SH3GL2: variants seen among roughly 807,000 people sequenced by gnomAD.
SH3GL2 encodes SH3 domain containing GRB2 like 2, endophilin A1.
In SH3GL2, 24 loss-of-function variants were observed where a neutral mutation model predicts 46.0. The observed-to-expected ratio is 0.52, with a 90% CI of 0.38 to 0.73. The LOEUF is 0.73. Ranked by LOEUF, SH3GL2 falls within the 30% of genes least tolerant of loss-of-function variation. SH3GL2 has a pLI of 0.00. For synonymous variants in SH3GL2, 196 were observed against 147.1 expected (o/e 1.33, Z -2.40); for missense variants, 413 against 424.2 (o/e 0.97, Z 0.23).
intron 1 of SH3GL2, among the ~76,000 whole-genome samples, chr9:17,697,358 G>A (rs928461466): frequency 6.6e-6 from 1 of 151,864 alleles, no homozygotes; most frequent in Non-Finnish European, 1.5e-5. Context: ...TGAGTAGTTG[G>A]GATTACAGGT....
chr9:17,786,435 A>G lies in SH3GL2; in HGVS notation c.242A>G (p.Glu81Gly). 6.2e-7 allele frequency: 1 copy of G among 1,613,440 alleles called. No homozygotes were observed. Among genetic ancestry groups the G allele is most frequent in the East Asian group, 2.2e-5 (1 of 44,838 alleles). The change falls in exon 4 of 9, where the codon GAG (glutamate) becomes GGG (glycine). Residue 81 changes from glutamate to glycine, a missense_variant. Glu to Gly is a moderately conservative substitution (Grantham distance 98, BLOSUM62 -2). Coordinates refer to ENST00000380607, the MANE Select transcript of SH3GL2 (RefSeq NM_003026.5). ...ACCATGTCAAAAATCCGTGGCCAGG[A>G]GAAGGGGCCAGGCTATCCTCAGGCA... ...INTMSKIRGQ[E>G]KGPGYPQAEA...
rs376846508 is a variant in SH3GL2 at position 17,617,927 on chromosome 9, C to T, written c.45+38640C>T. Among the ~76,000 whole-genome samples, 26 of 152,162 alleles carry T rather than the reference C, an allele frequency of 1.7e-4. 1 individual carries two copies. In the South Asian group the frequency reaches 2.1e-3, roughly 12 times the overall value. On this transcript the variant is annotated intron_variant, in intron 1 of 8. Transcript: ENST00000380607. ...AGCTCAAGACTTGAGTTGTAAAAATCGTGTTGTATTGTGGGACAAAAATCA... is the reference window on the plus strand; with the variant it reads ...AGCTCAAGACTTGAGTTGTAAAAATTGTGTTGTATTGTGGGACAAAAATCA...
chr9:17,587,354 A>G (rs1279023716), intron 1 of SH3GL2, among the ~76,000 whole-genome samples: 1 of 152,228 alleles, frequency 6.6e-6, no homozygotes, highest in Non-Finnish European at 1.5e-5. Context: ...GCCTGCCAGT[A>G]GAGGAAGTTC....
chr9:17,619,828 C>G (rs371471981), intron 1 of SH3GL2, among the ~76,000 whole-genome samples: 3 of 151,934 alleles, frequency 2.0e-5, no homozygotes, highest in Non-Finnish European at 4.4e-5. Context: ...CTGATTATTT[C>G]TTTAGAGAAT....
intron 1 of SH3GL2, among the ~76,000 whole-genome samples, chr9:17,663,997 G>A (rs749747552): frequency 6.6e-6 from 1 of 152,020 alleles, no homozygotes; most frequent in African/African-American, 2.4e-5. Context: ...AAATAATGTC[G>A]AGGGAGAAGA....
At chr9:17,692,863 A>G (rs186806184) in intron 1 of SH3GL2, among the ~76,000 whole-genome samples, 9 of 152,234 alleles carry the variant, frequency 5.9e-5, no homozygotes, top group African/African-American at 1.9e-4. Context: ...AGGCACTTCT[A>G]ACATGGTGGT....
At chr9:17,789,027 G>A (rs1254497631) in intron 5 of SH3GL2, among the ~76,000 whole-genome samples, 1 of 152,214 alleles carries the variant, frequency 6.6e-6, no homozygotes, top group African/African-American at 2.4e-5. Flanking sequence ...GACAGGGCCT[G>A]TGGGGCCTGT....
At chr9:17,761,259 A>G (rs553449153) in intron 2 of SH3GL2, among the ~76,000 whole-genome samples, 178 bp from the exon 3 acceptor site, 1 of 152,334 alleles carries the variant, frequency 6.6e-6, no homozygotes, top group South Asian at 2.1e-4. Flanking sequence ...ATCTTGGCAG[A>G]CCACTGCTGA....
chr9:17,791,168 G>A, intron 6 of SH3GL2, 63 bp from the exon 7 acceptor site: 1 of 1,153,254 alleles, frequency 8.7e-7, no homozygotes, highest in Non-Finnish European at 1.3e-6. Context: ...GTATGAAACA[G>A]TAGTGGCTGT....
chr9:17,788,101 CT>C (rs1227424097), intron 5 of SH3GL2, among the ~76,000 whole-genome samples: 3 of 151,926 alleles, frequency 2.0e-5, no homozygotes, highest in Admixed American at 1.3e-4. Context: ...TGTTTGCTCA[CT>C]TTTTTTTATC....
chr9:17,683,655 C>G (rs978892002), intron 1 of SH3GL2, among the ~76,000 whole-genome samples: 8 of 152,082 alleles, frequency 5.3e-5, no homozygotes, highest in Non-Finnish European at 1.0e-4. Flanking sequence ...AATACTTCCT[C>G]TCTACATACA....
chr9:17,687,595 A>G lies in SH3GL2; in HGVS notation c.46-59471A>G, dbSNP rs528656534. ...ATAGTATAGTCCTGAAGTTCTAATG[A>G]TAAAAATCAGAATGTTAAAAACAAA... is the stretch of plus-strand genomic sequence containing the variant. On this transcript the variant is annotated intron_variant, in intron 1 of 8. Transcript: ENST00000380607. Among the ~76,000 whole-genome samples the G allele has an allele frequency of 1.2e-3, 184 of 152,276 alleles. 1 individual carries two copies. Among genetic ancestry groups the G allele is most frequent in the African/African-American group, 4.1e-3 (169 of 41,570 alleles).
chr9:17,673,141 C>G (rs181103335), intron 1 of SH3GL2, among the ~76,000 whole-genome samples: 1 of 150,708 alleles, frequency 6.6e-6, no homozygotes, highest in Admixed American at 6.6e-5. Context: ...CTCACCTTGA[C>G]TTTTTTTTTG....
chr9:17,597,095 A>C (rs1204428683), intron 1 of SH3GL2, among the ~76,000 whole-genome samples: 1 of 152,244 alleles, frequency 6.6e-6, no homozygotes, highest in African/African-American at 2.4e-5. Flanking sequence ...GTAAGCTGAG[A>C]AACAGTTGAG....
intron 1 of SH3GL2, among the ~76,000 whole-genome samples, chr9:17,676,474 TG>T (rs1159781980): frequency 2.0e-5 from 3 of 151,952 alleles, no homozygotes; most frequent in East Asian, 3.9e-4. Context: ...GGCATGGTAG[TG>T]GGCACCTGTA....
chr9:17,679,872 A>G (rs1388500502), intron 1 of SH3GL2, among the ~76,000 whole-genome samples: 1 of 152,196 alleles, frequency 6.6e-6, no homozygotes, highest in African/African-American at 2.4e-5. Context: ...CCTTTTCTGC[A>G]TCTCTTGAGA....
Position 17,738,641 on chromosome 9 carries a change from T to TATATAGAGAGAGAGAGAG in SH3GL2, c.46-8424_46-8423insTATAGAGAGAGAGAGAGA, listed in dbSNP as rs376280314. 3.6e-4 allele frequency among the ~76,000 whole-genome samples: 32 copies of TATATAGAGAGAGAGAGAG among 88,874 alleles called. 1 individual carries two copies. The highest frequency in any genetic ancestry group is 8.8e-4 in the Admixed American group (7 of 7,954). 58.3% of individuals were successfully genotyped at this position (88,874 alleles called of 152,430 possible). ...TCATGTGATTTTATATATATATATA[T>TATATAGAGAGAGAGAGAG]AGAGAGAGAGAGAGAGAGAGAGAGA... On this transcript the variant is annotated intron_variant, in intron 1 of 8. Coordinates refer to ENST00000380607, the MANE Select transcript of SH3GL2 (RefSeq NM_003026.5).
At chr9:17,676,346 A>G (rs1820608655) in intron 1 of SH3GL2, among the ~76,000 whole-genome samples, 1 of 152,100 alleles carries the variant, frequency 6.6e-6, no homozygotes, top group African/African-American at 2.4e-5. Context: ...TGGCTCACGC[A>G]TGTAATCCCA....
chr9:17,789,511 A>G lies in SH3GL2; in HGVS notation c.585A>G (p.Glu195=), dbSNP rs749141067. The change falls in exon 6 of 9, where the codon GAA becomes GAG. Residue 195 remains glutamate (E), a synonymous_variant. Transcript: ENST00000380607. ...TAGAGAAATTTGATGAGTCTAAGGA[A>G]ATTGCTGAGTCAAGCATGTTCAATC... is the stretch of plus-strand genomic sequence containing the variant. ...QALEKFDESK[E]IAESSMFNLL... is the part of the protein sequence containing the mutation. 1.2e-6 allele frequency: 2 copies of G among 1,613,422 alleles called. No individual in the cohort carries two copies. The highest frequency in any genetic ancestry group is 2.2e-5 in the South Asian group (2 of 91,066).
Sources: gnomAD v4.1 joint callset for allele counts (sites outside exome capture counted in the v4.1 genomes callset) on GRCh38, gnomAD v4.1.1 for gene constraint, MANE v1.5 for transcripts, NCBI Gene and HGNC (gene_info 2026-07-23, HGNC 2026-07-21) for gene names.